GRIK3: variants seen among roughly 807,000 people sequenced by gnomAD.
The protein encoded by GRIK3 is glutamate ionotropic receptor kainate type subunit 3.
GRIK3 carries 29 observed loss-of-function variants against 102.5 expected under a neutral mutation model. That is an observed-to-expected ratio of 0.28 (90% CI 0.21 to 0.39). GRIK3 has a LOEUF of 0.39. GRIK3 is among the 10% of genes least tolerant of loss of function. GRIK3 has a pLI of 1.00. For synonymous variants in GRIK3, 511 were observed against 504.9 expected, an observed-to-expected ratio of 1.01 and a Z score of -0.16; for missense variants, 908 against 1,252.4, an observed-to-expected ratio of 0.73 and a Z score of 4.15.
At chr1:36,833,514 G>A (rs58157342) in intron 10 of GRIK3, among the ~76,000 whole-genome samples, 2,051 of 152,280 alleles carry the variant, frequency 0.013, 41 homozygotes, top group African/African-American at 0.045. Flanking sequence ...TCTTTCCCCT[G>A]CCCCCAGGTG....
At chr1:36,844,862 T>A (rs1640502243) in intron 9 of GRIK3, among the ~76,000 whole-genome samples, 2 of 152,188 alleles carry the variant, frequency 1.3e-5, no homozygotes, top group South Asian at 4.1e-4. Flanking sequence ...TTAAAACTCA[T>A]GGTTGATAGC....
At chr1:36,982,695 C>G (rs542308080) in intron 1 of GRIK3, among the ~76,000 whole-genome samples, 127 of 152,132 alleles carry the variant, frequency 8.3e-4, no homozygotes, top group Admixed American at 3.1e-3. Context: ...AGTCAACTCA[C>G]TGGTCAGGAA....
At chr1:36,908,718 A>T (rs1641312419) in intron 1 of GRIK3, among the ~76,000 whole-genome samples, 1 of 151,978 alleles carries the variant, frequency 6.6e-6, no homozygotes, top group African/African-American at 2.4e-5. Context: ...AATAATTGTC[A>T]CTGCTTTCTG....
chr1:37,030,526 CTT>C (rs775081839), intron 1 of GRIK3, among the ~76,000 whole-genome samples: 12 of 131,742 alleles, frequency 9.1e-5, no homozygotes, highest in African/African-American at 2.7e-4. Context: ...CCAACCCTTC[CTT>C]TTCCCCACCC....
At chr1:36,815,488 G>A (rs1385791156) in intron 13 of GRIK3, among the ~76,000 whole-genome samples, 1 of 152,220 alleles carries the variant, frequency 6.6e-6, no homozygotes, top group Non-Finnish European at 1.5e-5. Flanking sequence ...AGAGCCCAGA[G>A]GAAAGGAAAA....
In GRIK3 at chr1:36,851,754, TAG is replaced by T. The variant is rs1367219327; in HGVS notation, c.1213-1332_1213-1331del. Among the ~76,000 whole-genome samples, 16 of 152,336 alleles carry T rather than the reference TAG, an allele frequency of 1.1e-4. No individual in the cohort carries two copies. The East Asian group carries it at 2.9e-3, about 28-fold the overall frequency. Reference sequence around the variant, plus strand: ...CAGGCTAACCTCTGCCCAGGGATAATAGAGTTTTTCTTGAGTATTAGCTACGG... The same window carrying T: ...CAGGCTAACCTCTGCCCAGGGATAATAGTTTTTCTTGAGTATTAGCTACGG... On this transcript the variant is annotated intron_variant, in intron 8 of 15. Coordinates refer to ENST00000373091, the MANE Select transcript of GRIK3 (RefSeq NM_000831.4).
intron 1 of GRIK3, among the ~76,000 whole-genome samples, chr1:36,946,560 C>T (rs762698968): frequency 3.9e-5 from 6 of 152,202 alleles, no homozygotes; most frequent in African/African-American, 1.4e-4. Context: ...GAAGGTGGCT[C>T]TCGCATGGGA....
intron 1 of GRIK3, among the ~76,000 whole-genome samples, chr1:36,965,917 G>A (rs556709066): frequency 5.3e-5 from 8 of 152,290 alleles, no homozygotes; most frequent in African/African-American, 1.7e-4. Context: ...CCATGCTCCC[G>A]CCACAATAAA....
intron 1 of GRIK3, among the ~76,000 whole-genome samples, chr1:36,985,934 C>A (rs900465530): frequency 6.6e-6 from 1 of 152,158 alleles, no homozygotes; most frequent in Non-Finnish European, 1.5e-5. Flanking sequence ...TTCCCTCCCC[C>A]TCCTCCTCAC....
At chr1:36,990,338 A>T (rs1269386816) in intron 1 of GRIK3, among the ~76,000 whole-genome samples, 7 of 151,524 alleles carry the variant, frequency 4.6e-5, no homozygotes. Flanking sequence ...CATGTCTACC[A>T]CTCCTGGGCC....
chr1:37,032,266 C>G (rs1230601830), intron 1 of GRIK3, among the ~76,000 whole-genome samples: 1 of 152,204 alleles, frequency 6.6e-6, no homozygotes, highest in Non-Finnish European at 1.5e-5. Flanking sequence ...GCCTGTCCTT[C>G]TGGGCCTCCA....
At chr1:36,921,287 G>A (rs560402430) in intron 1 of GRIK3, among the ~76,000 whole-genome samples, 1 of 152,330 alleles carries the variant, frequency 6.6e-6, no homozygotes, top group South Asian at 2.1e-4. Flanking sequence ...CAGAGGTTCA[G>A]ATCCCAGCTC....
chr1:36,905,517 C>T (rs1462344043), intron 1 of GRIK3, among the ~76,000 whole-genome samples: 20 of 150,692 alleles, frequency 1.3e-4, no homozygotes, highest in Non-Finnish European at 2.1e-4. Context: ...AAAGCTTTAG[C>T]GAAATGTTCT....
intron 1 of GRIK3, among the ~76,000 whole-genome samples, chr1:37,032,012 A>G (rs1249218750): frequency 6.6e-6 from 1 of 152,200 alleles, no homozygotes; most frequent in Admixed American, 6.5e-5. Context: ...GGGCTCTTGG[A>G]TATAAATGAC....
At chr1:36,887,021 A>C (rs1641045851) in intron 2 of GRIK3, among the ~76,000 whole-genome samples, 1 of 152,214 alleles carries the variant, frequency 6.6e-6, no homozygotes, top group East Asian at 1.9e-4. Flanking sequence ...TTTACTTCTA[A>C]CTTTTGATTA....
chr1:36,815,707 A>G (rs1186640357), intron 13 of GRIK3, among the ~76,000 whole-genome samples: 1 of 151,604 alleles, frequency 6.6e-6, no homozygotes, highest in Non-Finnish European at 1.5e-5. Context: ...CCCCATCTAG[A>G]CCTCCTGAGT....
At position 36,842,177 on chromosome 1, in the gene GRIK3, A is replaced by G. The variant is rs146920453; in HGVS notation, c.1327-238T>C. On this transcript the variant is annotated intron_variant, in intron 9 of 15. Coordinates refer to ENST00000373091, the MANE Select transcript of GRIK3 (RefSeq NM_000831.4). ...AGCTCAGTAGGCACTTACTGATTTAATGGCCCAGTGGTTACAGAGCTAGTG... is the reference window on the plus strand; with the variant it reads ...AGCTCAGTAGGCACTTACTGATTTAGTGGCCCAGTGGTTACAGAGCTAGTG... Among the ~76,000 whole-genome samples the G allele has an allele frequency of 3.2e-3, 494 of 152,278 alleles. 3 individuals are homozygous for G. Among genetic ancestry groups the G allele is most frequent in the African/African-American group, 0.01 (428 of 41,544 alleles).
chr1:36,863,056 C>T (rs759751811), intron 5 of GRIK3, among the ~76,000 whole-genome samples: 14 of 152,330 alleles, frequency 9.2e-5, no homozygotes, highest in Non-Finnish European at 1.5e-4. Flanking sequence ...AAGTACCTTA[C>T]TTGTATTAAC....
At chr1:36,840,639 C>T (rs192687317) in intron 10 of GRIK3, among the ~76,000 whole-genome samples, 1 of 151,344 alleles carries the variant, frequency 6.6e-6, no homozygotes, top group East Asian at 1.9e-4. Flanking sequence ...AGGCAGGTGG[C>T]TCACTTGAGC....
Sources: allele counts gnomAD v4.1 joint callset (sites outside exome capture counted in the v4.1 genomes callset), GRCh38; gene constraint gnomAD v4.1.1; transcripts MANE v1.5; gene names NCBI Gene and HGNC (gene_info 2026-07-23, HGNC 2026-07-21).